The following FARS2 variants were observed in gnomAD, a reference collection of about 807,000 sequenced individuals.
FARS2 encodes the protein phenylalanine--tRNA ligase, mitochondrial.
In FARS2, 40 loss-of-function variants were observed where a neutral mutation model predicts 46.4. That is an observed-to-expected ratio of 0.86 (90% CI 0.67 to 1.12). The LOEUF (loss-of-function observed/expected upper bound fraction) is 1.12, where lower values mean the gene tolerates loss of function less well. Ranked by LOEUF, FARS2 falls within the 50% of genes most tolerant of loss-of-function variation. The pLI is 0.00. For missense variants in FARS2, 513 were observed against 567.9 expected, an observed-to-expected ratio of 0.90 and a Z score of 0.98; for synonymous variants, 234 against 214.9, an observed-to-expected ratio of 1.09 and a Z score of -0.78.
chr6:5,276,696 G>C (rs887206430), intron 1 of FARS2, among the ~76,000 whole-genome samples: 1 of 152,008 alleles, frequency 6.6e-6, no homozygotes, highest in African/African-American at 2.4e-5. Flanking sequence ...CCAAACTGAT[G>C]TGGTTCCCTG....
intron 4 of FARS2, among the ~76,000 whole-genome samples, chr6:5,481,416 A>T (rs991930688): frequency 1.3e-5 from 2 of 152,234 alleles, no homozygotes; most frequent in African/African-American, 4.8e-5. Flanking sequence ...CAAGCTGTCC[A>T]TTGGACACAG....
intron 1 of FARS2, among the ~76,000 whole-genome samples, chr6:5,337,413 C>T (rs1441821531): frequency 6.6e-6 from 1 of 152,026 alleles, no homozygotes; most frequent in Non-Finnish European, 1.5e-5. Flanking sequence ...CTGTGAATTC[C>T]AGGAAAATAA....
chr6:5,346,262 C>T (rs1296023628), intron 1 of FARS2, among the ~76,000 whole-genome samples: 3 of 152,170 alleles, frequency 2.0e-5, no homozygotes, highest in Admixed American at 1.3e-4. Flanking sequence ...GACATGAGTA[C>T]GTTTTTATTC....
Position 5,378,518 on chromosome 6 carries a change from G to A in FARS2, c.612+9336G>A, listed in dbSNP as rs868064427. Among the ~76,000 whole-genome samples the A allele has an allele frequency of 3.5e-4, 54 of 152,174 alleles. 1 individual carries two copies. In the Middle Eastern group the frequency reaches 0.01, roughly 29 times the overall value. ...TGGGCTTCTCTTTCCAAGCTTCCCC[G>A]CTGTTACTCTTGTAGTGAGCCCATG... On this transcript the variant is annotated intron_variant, in intron 2 of 6. Coordinates refer to ENST00000274680, the MANE Select transcript of FARS2 (RefSeq NM_006567.5).
chr6:5,346,086 C>T (rs1293120429), intron 1 of FARS2, among the ~76,000 whole-genome samples: 1 of 152,270 alleles, frequency 6.6e-6, no homozygotes, highest in East Asian at 1.9e-4. Flanking sequence ...CTATCAGGGA[C>T]GTGCAGTCAC....
intron 6 of FARS2, among the ~76,000 whole-genome samples, chr6:5,680,727 TAC>T (rs761677901): frequency 2.1e-5 from 3 of 145,880 alleles, no homozygotes; most frequent in Non-Finnish European, 4.5e-5. Flanking sequence ...CTGCAAAAAG[TAC>T]AGACGTTGTC....
intron 6 of FARS2, among the ~76,000 whole-genome samples, chr6:5,626,783 T>A (rs1776053732): frequency 6.6e-6 from 1 of 152,242 alleles, no homozygotes; most frequent in African/African-American, 2.4e-5. Context: ...CATGCATCAC[T>A]TAACGACGGG....
At chr6:5,566,867 C>G (rs964276202) in intron 5 of FARS2, among the ~76,000 whole-genome samples, 2 of 152,194 alleles carry the variant, frequency 1.3e-5, no homozygotes, top group Admixed American at 6.5e-5. Flanking sequence ...TAGGTTATGA[C>G]TTAACCGTGA....
intron 1 of FARS2, among the ~76,000 whole-genome samples, chr6:5,307,985 G>A (rs1460276953): frequency 2.0e-5 from 3 of 152,152 alleles, no homozygotes; most frequent in Non-Finnish European, 4.4e-5. Context: ...ATTTGAATTG[G>A]CAACTATTTG....
At chr6:5,640,214 A>G (rs554619501) in intron 6 of FARS2, among the ~76,000 whole-genome samples, 1 of 152,180 alleles carries the variant, frequency 6.6e-6, no homozygotes, top group Non-Finnish European at 1.5e-5. Flanking sequence ...GTACACACGT[A>G]CTTGCACATG....
intron 4 of FARS2, among the ~76,000 whole-genome samples, chr6:5,524,195 G>A (rs1021339779): frequency 3.3e-5 from 5 of 152,214 alleles, no homozygotes; most frequent in Admixed American, 6.5e-5. Context: ...ATTAAGGCGA[G>A]CAATCCATAA....
At chr6:5,342,465 A>G (rs2127594130) in intron 1 of FARS2, among the ~76,000 whole-genome samples, 1 of 152,340 alleles carries the variant, frequency 6.6e-6, no homozygotes, top group Non-Finnish European at 1.5e-5. Flanking sequence ...GGTCAACTAG[A>G]CCAGTTATAG....
chr6:5,506,380 T>A (rs1355126911), intron 4 of FARS2, among the ~76,000 whole-genome samples: 1 of 152,194 alleles, frequency 6.6e-6, no homozygotes, highest in African/African-American at 2.4e-5. Flanking sequence ...CACTGTGAGT[T>A]GAAACTAAAA....
chr6:5,710,502 G>A (rs990144400), intron 6 of FARS2, among the ~76,000 whole-genome samples: 3 of 152,240 alleles, frequency 2.0e-5, no homozygotes, highest in African/African-American at 4.8e-5. Context: ...AGTCCAGGAC[G>A]GTGGTCGCTG....
chr6:5,686,561 C>T (rs962512219), intron 6 of FARS2, among the ~76,000 whole-genome samples: 34 of 152,298 alleles, frequency 2.2e-4, no homozygotes, highest in Admixed American at 2.1e-3. Context: ...CATAGTATTC[C>T]ATGGTATATA....
rs1299277118 is a variant in FARS2 at position 5,630,567 on chromosome 6, G to C, written c.1217+17247G>C. ...ACCAGACCTGCCTCTTCATACTTAT[G>C]TGTCTGGTAATAGGCATTTGAAATA... On this transcript the variant is annotated intron_variant, in intron 6 of 6. Transcript: ENST00000274680. The surrounding 1 kb of genome is among the most constrained non-coding windows in gnomAD (Gnocchi z 4.2). Among the ~76,000 whole-genome samples, 1 of 152,198 alleles carries C rather than the reference G, an allele frequency of 6.6e-6. No individual in the cohort carries two copies. The highest frequency in any genetic ancestry group is 2.4e-5 in the African/African-American group (1 of 41,446).
chr6:5,469,522 C>T (rs1765696771), intron 4 of FARS2, among the ~76,000 whole-genome samples: 1 of 152,208 alleles, frequency 6.6e-6, no homozygotes, highest in African/African-American at 2.4e-5. Context: ...TTAGTTGCCA[C>T]CCCAGCAAGT....
chr6:5,499,108 G>A (rs1767643072), intron 4 of FARS2, among the ~76,000 whole-genome samples: 1 of 152,176 alleles, frequency 6.6e-6, no homozygotes, highest in Non-Finnish European at 1.5e-5. Flanking sequence ...ATGTTGGCCA[G>A]GCTGGTCACG....
At chr6:5,679,761 T>C (rs1778939046) in intron 6 of FARS2, among the ~76,000 whole-genome samples, 1 of 152,140 alleles carries the variant, frequency 6.6e-6, no homozygotes, top group Non-Finnish European at 1.5e-5. Context: ...GAAAAGCTTC[T>C]ATCCTTTCCT....
Sources: allele counts gnomAD v4.1 joint callset (sites outside exome capture counted in the v4.1 genomes callset), GRCh38; gene constraint gnomAD v4.1.1; non-coding constraint Gnocchi (gnomAD v3.1); transcripts MANE v1.5; gene names NCBI Gene and HGNC (gene_info 2026-07-23, HGNC 2026-07-21).